The following ZRANB3 variants were observed in gnomAD, a reference collection of about 807,000 sequenced individuals.
The protein encoded by ZRANB3 is DNA annealing helicase and endonuclease ZRANB3.
In ZRANB3, 125 loss-of-function variants were observed where a neutral mutation model predicts 133.8. The observed-to-expected ratio is 0.93, with a 90% CI of 0.81 to 1.08. The LOEUF (loss-of-function observed/expected upper bound fraction) is 1.08. Ranked by LOEUF, ZRANB3 falls within the 50% of genes least tolerant of loss-of-function variation. ZRANB3 has a pLI of 0.00. For synonymous variants in ZRANB3, 387 were observed against 432.7 expected, an observed-to-expected ratio of 0.89 and a Z score of 1.31; for missense variants, 1,229 against 1,275.5, an observed-to-expected ratio of 0.96 and a Z score of 0.56.
chr2:135,528,773 G>T (rs1229686526), intron 1 of ZRANB3, among the ~76,000 whole-genome samples: 1 of 152,160 alleles, frequency 6.6e-6, no homozygotes, highest in Non-Finnish European at 1.5e-5. Flanking sequence ...TTGCTGCAAG[G>T]TATGGTTACA....
At chr2:135,524,098 T>C (rs1240904769) in intron 1 of ZRANB3, among the ~76,000 whole-genome samples, 1 of 152,214 alleles carries the variant, frequency 6.6e-6, no homozygotes. Context: ...TTTTTCTTTT[T>C]TTTTTGAGAA....
At chr2:135,504,731 G>A (rs1693097970) in intron 1 of ZRANB3, among the ~76,000 whole-genome samples, 1 of 151,954 alleles carries the variant, frequency 6.6e-6, no homozygotes, top group African/African-American at 2.4e-5. Context: ...TTCATTTTGA[G>A]CCATAATACC....
At chr2:135,441,721 CA>C (rs1331552959) in intron 2 of ZRANB3, among the ~76,000 whole-genome samples, 5 of 151,708 alleles carry the variant, frequency 3.3e-5, no homozygotes, top group Non-Finnish European at 5.9e-5. Context: ...AGAATTAAGT[CA>C]ATGTTAAACT....
Position 135,400,942 on chromosome 2 carries a change from G to A in ZRANB3, c.162-10122C>T, listed in dbSNP as rs1687706087. On this transcript the variant is annotated intron_variant, in intron 2 of 20. Transcript: ENST00000264159. ...TCTTTGTTAACTGTTAAGTCATTTA[G>A]ATTAAATTCCAAAAAATATTACCAT... 2.0e-5 allele frequency among the ~76,000 whole-genome samples: 3 copies of A among 152,236 alleles called. No individual in the cohort carries two copies. In the South Asian group the frequency reaches 6.2e-4, roughly 32 times the overall value.
At chr2:135,515,059 C>T (rs964438291) in intron 1 of ZRANB3, among the ~76,000 whole-genome samples, 4 of 151,906 alleles carry the variant, frequency 2.6e-5, no homozygotes, top group African/African-American at 9.7e-5. Flanking sequence ...TGAGTATTTT[C>T]GTATCGATGT....
At chr2:135,510,808 TG>T in intron 1 of ZRANB3, 1 of 833,656 alleles carries the variant, frequency 1.2e-6, no homozygotes, top group Admixed American at 1.7e-5. Flanking sequence ...AAACCAAAAC[TG>T]GGTAATTTCC....
chr2:135,469,319 C>A (rs1251222575), intron 2 of ZRANB3, among the ~76,000 whole-genome samples: 3 of 151,924 alleles, frequency 2.0e-5, no homozygotes, highest in Non-Finnish European at 4.4e-5. Context: ...ACTTAAAATT[C>A]TTTCATGAGT....
At chr2:135,496,384 TAAAAAA>T (rs56770947) in intron 2 of ZRANB3, among the ~76,000 whole-genome samples, 942 of 33,196 alleles carry the variant, frequency 0.028, 7 homozygotes, top group African/African-American at 0.06. Context: ...AACTCCATCT[TAAAAAA>T]AAAAAAAAAA....
At chr2:135,329,158 G>A (rs1397855064) in intron 6 of ZRANB3, among the ~76,000 whole-genome samples, 7 of 152,198 alleles carry the variant, frequency 4.6e-5, no homozygotes, top group Non-Finnish European at 1.0e-4. Flanking sequence ...GAATGATATT[G>A]CCTAGGTTTT....
intron 2 of ZRANB3, among the ~76,000 whole-genome samples, chr2:135,415,466 T>C (rs1688523044): frequency 6.6e-6 from 1 of 152,078 alleles, no homozygotes; most frequent in African/African-American, 2.4e-5. Flanking sequence ...CAATAATCAA[T>C]AGCTTACCAA....
chr2:135,316,336 C>G (rs969061232), intron 6 of ZRANB3, among the ~76,000 whole-genome samples: 3 of 152,116 alleles, frequency 2.0e-5, no homozygotes, highest in Admixed American at 6.5e-5. Flanking sequence ...TCTAGTGGAT[C>G]AATTGAACTT....
Position 135,207,781 on chromosome 2 carries a change from C to T in ZRANB3, c.2662G>A (p.Ala888Thr). ...GTAGAGGGCTTCACAGTGAGATCTG[C>T]CTGGACTGTGTATGGATTTAGAAAT... ...VPFLNPYTVQ[A>T]DLTVKPSTSK... The change falls in exon 19 of 21, where the codon GCA becomes ACA. Residue 888 changes from alanine (A) to threonine (T), a missense_variant. Coordinates refer to ENST00000264159, the MANE Select transcript of ZRANB3 (RefSeq NM_032143.4). 1.2e-6 allele frequency: 2 copies of T among 1,612,830 alleles called. No individual in the cohort carries two copies. The highest frequency in any genetic ancestry group is 2.2e-5 in the East Asian group (1 of 44,824).
At chr2:135,298,317 T>G (rs184876220) in intron 8 of ZRANB3, among the ~76,000 whole-genome samples, 1 of 152,228 alleles carries the variant, frequency 6.6e-6, no homozygotes, top group Admixed American at 6.5e-5. Context: ...ATTCTTTTTC[T>G]GGCACTTCAG....
intron 2 of ZRANB3, among the ~76,000 whole-genome samples, chr2:135,434,108 G>A (rs562199741): frequency 4.6e-5 from 7 of 152,292 alleles, no homozygotes; most frequent in African/African-American, 1.7e-4. Context: ...GTTGCAGTGA[G>A]CCAAGATCAT....
At chr2:135,506,523 G>A (rs1693197308) in intron 1 of ZRANB3, among the ~76,000 whole-genome samples, 1 of 151,960 alleles carries the variant, frequency 6.6e-6, no homozygotes, top group African/African-American at 2.4e-5. Flanking sequence ...TTTTAAGAAG[G>A]AATGCTAATG....
intron 8 of ZRANB3, among the ~76,000 whole-genome samples, chr2:135,277,785 T>A (rs1485276927): frequency 1.3e-5 from 2 of 151,774 alleles, no homozygotes; most frequent in African/African-American, 4.8e-5. Context: ...ATTAGCTGGG[T>A]GTGGTAGCAC....
chr2:135,394,301 C>G (rs925412762), intron 2 of ZRANB3, among the ~76,000 whole-genome samples: 3 of 152,134 alleles, frequency 2.0e-5, no homozygotes. Flanking sequence ...AATAACCAAA[C>G]AATAAAAACA....
chr2:135,456,361 C>G (rs1426644799), intron 2 of ZRANB3, among the ~76,000 whole-genome samples: 1 of 152,158 alleles, frequency 6.6e-6, no homozygotes, highest in East Asian at 1.9e-4. Context: ...TGGGAAGTGT[C>G]TTCTGCTAAT....
chr2:135,341,981 C>T (rs1684690422), intron 6 of ZRANB3, among the ~76,000 whole-genome samples: 2 of 149,960 alleles, frequency 1.3e-5, no homozygotes, highest in African/African-American at 2.5e-5. Flanking sequence ...GGCCTTATGA[C>T]CTTGCCCTAC....
Sources: gnomAD v4.1 joint callset for allele counts (sites outside exome capture counted in the v4.1 genomes callset) on GRCh38, gnomAD v4.1.1 for gene constraint, MANE v1.5 for transcripts, NCBI Gene and HGNC (gene_info 2026-07-23, HGNC 2026-07-21) for gene names.